COL13A1: variants seen among roughly 807,000 people sequenced by gnomAD.
COL13A1 encodes collagen type XIII alpha 1 chain, also known as collagen alpha-1(XIII) chain.
Under a neutral mutation model 130.9 loss-of-function variants are expected in COL13A1, and 89 were observed. The observed-to-expected ratio is 0.68, with a 90% CI of 0.57 to 0.81. COL13A1 has a LOEUF of 0.81. Ranked by LOEUF, COL13A1 falls within the 30% of genes least tolerant of loss-of-function variation. The pLI, the probability that COL13A1 is intolerant of heterozygous loss-of-function variation, is 0.00. For synonymous variants in COL13A1, 402 were observed against 341.6 expected (o/e 1.18, Z -1.95); for missense variants, 879 against 934.6 (o/e 0.94, Z 0.78).
chr10:69,875,295 C>T (rs2059468464), intron 5 of COL13A1, 132 bp downstream of exon 5: 1 of 1,082,414 alleles, frequency 9.2e-7, no homozygotes, highest in Non-Finnish European at 1.4e-6. Flanking sequence ...CTTCCCCAAG[C>T]CCCAGTGTGC....
intron 38 of COL13A1, among the ~76,000 whole-genome samples, chr10:69,951,191 C>G (rs2069501984): frequency 6.6e-6 from 1 of 152,046 alleles, no homozygotes; most frequent in African/African-American, 2.4e-5. Context: ...GAACATCTAC[C>G]CTGCAGCCTT....
intron 2 of COL13A1, among the ~76,000 whole-genome samples, chr10:69,841,503 C>T (rs550871824): frequency 5.3e-5 from 8 of 152,232 alleles, no homozygotes; most frequent in Admixed American, 1.3e-4. Flanking sequence ...CACAAAATCA[C>T]AGCATCATTC....
intron 39 of COL13A1, chr10:69,955,652 G>A (rs2070521245): frequency 6.6e-6 from 1 of 152,244 alleles, no homozygotes; most frequent in African/African-American, 2.4e-5. Context: ...CTGGGGAAGG[G>A]GCACAGGGTC....
At chr10:69,900,266 T>C (rs566221847) in intron 14 of COL13A1, among the ~76,000 whole-genome samples, 6 of 152,348 alleles carry the variant, frequency 3.9e-5, no homozygotes, top group African/African-American at 1.2e-4. Context: ...CTGTTCTTTT[T>C]TGAGCCCTCA....
At chr10:69,933,547 C>T (rs2066441229) in intron 31 of COL13A1, among the ~76,000 whole-genome samples, 1 of 152,070 alleles carries the variant, frequency 6.6e-6, no homozygotes, top group Admixed American at 6.6e-5. Context: ...CACCTCAGAC[C>T]CATGGGAGAG....
intron 29 of COL13A1, 87 bp from the exon 30 acceptor site, chr10:69,930,313 A>G: frequency 7.8e-7 from 1 of 1,283,160 alleles, no homozygotes; most frequent in Non-Finnish European, 1.1e-6. Flanking sequence ...CCAAAGAGCC[A>G]AGGCCTTTGG....
intron 17 of COL13A1, among the ~76,000 whole-genome samples, chr10:69,913,541 A>G (rs1009099361): frequency 6.6e-5 from 10 of 152,314 alleles, no homozygotes; most frequent in Non-Finnish European, 1.2e-4. Flanking sequence ...TGCCCCAAGG[A>G]ACAGTCCTCT....
intron 21 of COL13A1, among the ~76,000 whole-genome samples, chr10:69,920,386 G>A (rs561647334): frequency 6.6e-6 from 1 of 152,340 alleles, no homozygotes; most frequent in South Asian, 2.1e-4. Context: ...CTGGTGGGGT[G>A]CTCTTGGACA....
chr10:69,897,440 C>T (rs2061757022), intron 13 of COL13A1: 1 of 1,612,358 alleles, frequency 6.2e-7, no homozygotes, highest in Non-Finnish European at 8.5e-7. Flanking sequence ...TCCCTGTCGC[C>T]CTGTCTCTGC....
chr10:69,848,388 C>G lies in COL13A1; in HGVS notation c.365-19410C>G, dbSNP rs910053381. ...CATATGTGTATATGTCTCCAACAACCTTGCAAACTGGTACTATTAGTTCCA... is the reference window on the plus strand; with the variant it reads ...CATATGTGTATATGTCTCCAACAACGTTGCAAACTGGTACTATTAGTTCCA... On this transcript the variant is annotated intron_variant, in intron 2 of 40. Coordinates refer to ENST00000645393, the MANE Select transcript of COL13A1 (RefSeq NM_001368882.1). Among the ~76,000 whole-genome samples the G allele has an allele frequency of 3.3e-5, 5 of 152,182 alleles. No homozygotes were observed. In the East Asian group the frequency reaches 9.6e-4, roughly 29 times the overall value.
chr10:69,930,351 T>C (rs1203106997), intron 29 of COL13A1, 49 bp from the exon 30 acceptor site: 1 of 1,536,066 alleles, frequency 6.5e-7, no homozygotes, highest in Non-Finnish European at 8.8e-7. Flanking sequence ...CCCTCTCTCC[T>C]CTTTTCTCCA....
chr10:69,855,884 C>G (rs1290667777), intron 2 of COL13A1, among the ~76,000 whole-genome samples: 2 of 147,940 alleles, frequency 1.4e-5, no homozygotes, highest in Non-Finnish European at 3.0e-5. Flanking sequence ...GTTCAATGTC[C>G]AAACACTGTT....
At chr10:69,892,571 C>T (rs1296800506) in intron 10 of COL13A1, among the ~76,000 whole-genome samples, 4 of 152,120 alleles carry the variant, frequency 2.6e-5, no homozygotes, top group African/African-American at 4.8e-5. Flanking sequence ...GAGTGAGGAG[C>T]GCCAGGCACT....
intron 2 of COL13A1, chr10:69,829,396 C>T (rs1564782541): frequency 4.7e-6 from 2 of 421,958 alleles, no homozygotes; most frequent in East Asian, 1.6e-4. Context: ...CCTGCTCTGA[C>T]CCCCCTCGCC....
At chr10:69,816,155 C>A (rs1246135435) in intron 1 of COL13A1, among the ~76,000 whole-genome samples, 1 of 148,952 alleles carries the variant, frequency 6.7e-6, no homozygotes, top group Non-Finnish European at 1.5e-5. Context: ...GTCGGGCATT[C>A]GTTAGAAGGT....
rs1452838425 is a variant in COL13A1 at position 69,802,804 on chromosome 10, G to GCTCGCTCTCTGCGAGCC, written c.294+89_294+105dup. 8.5e-6 allele frequency: 13 copies of GCTCGCTCTCTGCGAGCC among 1,535,088 alleles called. No individual in the cohort carries two copies. In the Admixed American group the frequency reaches 1.1e-4, roughly 13 times the overall value. On this transcript the variant is annotated intron_variant, in intron 1 of 40. Coordinates refer to ENST00000645393, the MANE Select transcript of COL13A1 (RefSeq NM_001368882.1). ...GACTGTTCAGCCGGTGTCCGCGGGC[G>GCTCGCTCTCTGCGAGCC]CTCGCTCTCTGCGAGCCCCAGGTTC...
intron 19 of COL13A1, 68 bp from the exon 20 acceptor site, chr10:69,918,994 A>C: frequency 6.2e-7 from 1 of 1,602,510 alleles, no homozygotes; most frequent in South Asian, 1.1e-5. Context: ...CACCTCCACC[A>C]ACAGGTGCCT....
intron 8 of COL13A1, 114 bp from the exon 9 acceptor site, chr10:69,888,190 T>C: frequency 7.8e-7 from 1 of 1,283,720 alleles, no homozygotes; most frequent in Middle Eastern, 1.9e-4. Flanking sequence ...AAGCAGGGCC[T>C]TGAGCTCCAA....
In COL13A1 at chr10:69,942,471, G is replaced by A. The variant is rs373484787; in HGVS notation, c.1914+1448G>A. On this transcript the variant is annotated intron_variant, in intron 35 of 40. Coordinates refer to ENST00000645393, the MANE Select transcript of COL13A1 (RefSeq NM_001368882.1). ...AGAAACCAAGACTTTCCTCTCAATG[G>A]CTTCTCCCTTTTATGTTAGACCGAG... is the stretch of plus-strand genomic sequence containing the variant. Among the ~76,000 whole-genome samples, 4 of 152,234 alleles carry A rather than the reference G, an allele frequency of 2.6e-5. No individual in the cohort carries two copies. In the East Asian group the frequency reaches 7.7e-4, roughly 29 times the overall value.
Sources: allele counts gnomAD v4.1 joint callset (sites outside exome capture counted in the v4.1 genomes callset), GRCh38; gene constraint gnomAD v4.1.1; transcripts MANE v1.5; gene names NCBI Gene and HGNC (gene_info 2026-07-23, HGNC 2026-07-21).